TMEM268: variants seen among roughly 807,000 people sequenced by gnomAD.
The protein encoded by TMEM268 is transmembrane protein C9orf91.
In TMEM268, 24 loss-of-function variants were observed where a neutral mutation model predicts 39.1. That is an observed-to-expected ratio of 0.61 (90% confidence interval 0.44 to 0.86). The LOEUF (loss-of-function observed/expected upper bound fraction) is 0.86. Among genes scored for constraint, TMEM268 ranks in the 40% least tolerant of loss-of-function variants. The pLI, the probability that TMEM268 is intolerant of heterozygous loss-of-function variation, is 0.00. For synonymous variants in TMEM268, 176 were observed against 173.5 expected, an observed-to-expected ratio of 1.01 and a Z score of -0.12; for missense variants, 409 against 428.6, an observed-to-expected ratio of 0.95 and a Z score of 0.40.
intron 6 of TMEM268, among the ~76,000 whole-genome samples, chr9:114,634,919 A>G (rs1254464502): frequency 1.3e-5 from 2 of 152,180 alleles, no homozygotes; most frequent in African/African-American, 4.8e-5. Flanking sequence ...TTCAAGTGTG[A>G]CATTGTAGAC....
At chr9:114,623,100 C>G (rs999096122) in intron 2 of TMEM268, among the ~76,000 whole-genome samples, 34 of 150,276 alleles carry the variant, frequency 2.3e-4, no homozygotes, top group African/African-American at 7.5e-4. Flanking sequence ...CAAAAAACAA[C>G]AACAACAACA....
At position 114,638,735 on chromosome 9, in the gene TMEM268, C is replaced by A; in HGVS notation, c.849+9C>A. The A allele has an allele frequency of 6.5e-7, 1 of 1,543,088 alleles. No homozygotes were observed. The highest frequency in any genetic ancestry group is 8.7e-7 in the Non-Finnish European group (1 of 1,143,982). ...CTGAGGCTGAGCCGGAGGTAACAGG[C>A]ACTGGGGCTTGTTGGGGCCATCTTC... On this transcript the variant is annotated intron_variant, in intron 8 of 8. Transcript: ENST00000288502.
At chr9:114,630,929 C>CTG (rs1846366503) in intron 5 of TMEM268, among the ~76,000 whole-genome samples, 1 of 78,020 alleles carries the variant, frequency 1.3e-5, no homozygotes, top group African/African-American at 4.2e-5. Context: ...TGTTAGCATC[C>CTG]TCTCTGTTGT....
intron 3 of TMEM268, among the ~76,000 whole-genome samples, chr9:114,625,091 T>A (rs185560825): frequency 6.6e-6 from 1 of 152,346 alleles, no homozygotes; most frequent in Non-Finnish European, 1.5e-5. Flanking sequence ...GCTCCGATGC[T>A]CACTACCTGT....
chr9:114,614,885 T>C (rs1209651616), intron 1 of TMEM268, among the ~76,000 whole-genome samples: 3 of 145,124 alleles, frequency 2.1e-5, no homozygotes, highest in Non-Finnish European at 4.5e-5. Context: ...ATGACAGGTG[T>C]CACTGCCTTT....
intron 5 of TMEM268, among the ~76,000 whole-genome samples, chr9:114,633,242 A>G (rs1255081519): frequency 2.0e-5 from 3 of 151,360 alleles, no homozygotes; most frequent in Non-Finnish European, 4.4e-5. Context: ...GTGCACTGCA[A>G]CCTCTGCCTC....
chr9:114,633,060 A>G (rs748159017), intron 5 of TMEM268, among the ~76,000 whole-genome samples: 2 of 152,176 alleles, frequency 1.3e-5, no homozygotes, highest in African/African-American at 2.4e-5. Context: ...CAGTGGCACA[A>G]TCATAGCTTA....
rs1422924281 is a variant in TMEM268 at position 114,643,163 on chromosome 9, T to C, written c.879T>C (p.Phe293=). Residue 293 remains phenylalanine (F), a synonymous_variant, in exon 9 of 9, where the codon TTT becomes TTC. Transcript: ENST00000288502. ...TGGCCCGCCAGCTGCTGGCAGTGTT[T>C]GGCGGCTACTACATCCGGCTTCTAG... ...EEMARQLLAV[F]GGYYIRLLVT... The C allele has an allele frequency of 1.9e-5, 30 of 1,614,054 alleles. No individual in the cohort carries two copies. The Admixed American group carries it at 5.0e-4, about 27-fold the overall frequency.
intron 2 of TMEM268, among the ~76,000 whole-genome samples, chr9:114,619,973 C>T (rs1198692363): frequency 6.6e-6 from 1 of 151,948 alleles, no homozygotes; most frequent in Non-Finnish European, 1.5e-5. Context: ...CTTTGGGAGG[C>T]CTAGGTGGGT....
intron 4 of TMEM268, among the ~76,000 whole-genome samples, chr9:114,627,286 C>A (rs1751713370): frequency 6.6e-6 from 1 of 152,210 alleles, no homozygotes; most frequent in Non-Finnish European, 1.5e-5. Context: ...GCTCTGGGCT[C>A]AATATCTGGC....
At chr9:114,609,623 G>A (rs909565993), upstream of TMEM268, among the ~76,000 whole-genome samples, 7 of 151,644 alleles carry the variant, frequency 4.6e-5, no homozygotes, top group East Asian at 9.7e-4. Context: ...AGGAGAGGCC[G>A]AGGCTGCAGT....
At chr9:114,636,281 A>C (rs2418314) in intron 6 of TMEM268, among the ~76,000 whole-genome samples, 41,598 of 151,928 alleles carry the variant, frequency 0.27, 6,047 homozygotes, top group South Asian at 0.4. Context: ...CCCACAGGCA[A>C]CCAGGTTGAT....
At chr9:114,609,618 A>G (rs982467176), upstream of TMEM268, among the ~76,000 whole-genome samples, 3 of 151,594 alleles carry the variant, frequency 2.0e-5, no homozygotes, top group African/African-American at 7.3e-5. Context: ...CTGAGAGGAG[A>G]GGCCGAGGCT....
chr9:114,637,734 G>A (rs114508910), intron 7 of TMEM268, among the ~76,000 whole-genome samples: 2,808 of 152,276 alleles, frequency 0.018, 79 homozygotes, highest in African/African-American at 0.062. Context: ...CTTCTACAGA[G>A]GAGGAAACAG....
intron 3 of TMEM268, among the ~76,000 whole-genome samples, chr9:114,626,407 T>G (rs1170996073): frequency 6.6e-6 from 1 of 152,256 alleles, no homozygotes; most frequent in Non-Finnish European, 1.5e-5. Flanking sequence ...ATTGCAGTAT[T>G]GATAGTGGCA....
At chr9:114,628,862 C>A (rs1443346183) in intron 5 of TMEM268, among the ~76,000 whole-genome samples, 1 of 152,214 alleles carries the variant, frequency 6.6e-6, no homozygotes, top group Non-Finnish European at 1.5e-5. Flanking sequence ...GGATACCTCC[C>A]AGCTTGATGT....
upstream of TMEM268, among the ~76,000 whole-genome samples, chr9:114,607,315 C>T (rs12685234): frequency 0.018 from 2,703 of 152,256 alleles, 83 homozygotes; most frequent in Admixed American, 0.069. Context: ...AAAGGGGACA[C>T]TGAACAATGA....
intron 7 of TMEM268, 93 bp from the exon 8 acceptor site, chr9:114,638,451 C>G: frequency 1.0e-6 from 1 of 952,996 alleles, no homozygotes; most frequent in Non-Finnish European, 1.5e-6. Context: ...GAGACCTCAT[C>G]TTCTGCTCGG....
chr9:114,627,672 G>T (rs998871211), intron 4 of TMEM268, among the ~76,000 whole-genome samples: 2 of 152,096 alleles, frequency 1.3e-5, no homozygotes, highest in Non-Finnish European at 1.5e-5. Context: ...TGTTACTTAT[G>T]TTGCCTTGTT....
Sources: allele counts gnomAD v4.1 joint callset (sites outside exome capture counted in the v4.1 genomes callset), GRCh38; gene constraint gnomAD v4.1.1; transcripts MANE v1.5; gene names NCBI Gene and HGNC (gene_info 2026-07-23, HGNC 2026-07-21).